Variants in FRMD5 observed in about 807,000 individuals in gnomAD.
FRMD5 encodes the protein FERM domain containing 5, also known as FERM domain-containing protein 5.
Under a neutral mutation model 69.0 loss-of-function variants are expected in FRMD5, and 20 were observed. That is an observed-to-expected ratio of 0.29 (90% CI 0.20 to 0.42). The LOEUF (loss-of-function observed/expected upper bound fraction) is 0.42. Ranked by LOEUF, FRMD5 falls within the 10% of genes least tolerant of loss-of-function variation. FRMD5 has a pLI of 1.00. For missense variants in FRMD5, 595 were observed against 708.6 expected (o/e 0.84, Z 1.82); for synonymous variants, 271 against 260.1 (o/e 1.04, Z -0.40).
intron 1 of FRMD5, among the ~76,000 whole-genome samples, chr15:44,164,539 C>T (rs1382874142): frequency 6.6e-6 from 1 of 152,114 alleles, no homozygotes; most frequent in Non-Finnish European, 1.5e-5. Context: ...AGGCAACAGA[C>T]AGTAAATTTT....
At chr15:44,111,958 C>T (rs978740897) in intron 1 of FRMD5, among the ~76,000 whole-genome samples, 3 of 152,084 alleles carry the variant, frequency 2.0e-5, no homozygotes. Context: ...ATTCTCCTGC[C>T]TCAGCCTCCC....
At position 43,934,451 on chromosome 15, in the gene FRMD5, GTTTTT is replaced by G. The variant is rs374355593; in HGVS notation, c.103-10147_103-10143del. 5.1e-3 allele frequency among the ~76,000 whole-genome samples: 768 copies of G among 151,454 alleles called. 10 individuals are homozygous for G. The highest frequency in any genetic ancestry group is 0.017 in the African/African-American group (717 of 41,316). ...ATCTTCTAAACAAGGATTTAAAACAGTTTTTTTTTCTTTAAAAAGGATAATCGGGT... is the reference window on the plus strand; with the variant it reads ...ATCTTCTAAACAAGGATTTAAAACAGTTTTCTTTAAAAAGGATAATCGGGT... On this transcript the variant is annotated intron_variant, in intron 1 of 13. Coordinates refer to ENST00000417257, the MANE Select transcript of FRMD5 (RefSeq NM_032892.5).
At chr15:44,096,276 T>C (rs2076551569) in intron 1 of FRMD5, among the ~76,000 whole-genome samples, 1 of 151,706 alleles carries the variant, frequency 6.6e-6, no homozygotes. Context: ...GTGATCCATT[T>C]AATCACAAAT....
chr15:44,048,644 C>CT (rs1412195777), intron 1 of FRMD5, among the ~76,000 whole-genome samples: 1 of 151,994 alleles, frequency 6.6e-6, no homozygotes, highest in African/African-American at 2.4e-5. Flanking sequence ...GTGATCTCGT[C>CT]TCACGGCAAC....
intron 1 of FRMD5, among the ~76,000 whole-genome samples, chr15:44,173,823 T>C (rs1164423809): frequency 6.6e-6 from 1 of 152,182 alleles, no homozygotes; most frequent in African/African-American, 2.4e-5. Flanking sequence ...TGAAAAATCA[T>C]TTTTTAAAAA....
At chr15:43,979,102 C>A (rs902460159) in intron 1 of FRMD5, among the ~76,000 whole-genome samples, 1 of 152,026 alleles carries the variant, frequency 6.6e-6, no homozygotes, top group Non-Finnish European at 1.5e-5. Context: ...CTTTGGGAGG[C>A]CGAGGCGGGC....
At chr15:43,932,127 T>C (rs1221420158) in intron 1 of FRMD5, among the ~76,000 whole-genome samples, 1 of 152,232 alleles carries the variant, frequency 6.6e-6, no homozygotes, top group Non-Finnish European at 1.5e-5. Context: ...AAAAACCCTG[T>C]GAGTTTTCGT....
intron 1 of FRMD5, among the ~76,000 whole-genome samples, chr15:44,011,963 A>G (rs1194603866): frequency 6.6e-6 from 1 of 152,194 alleles, no homozygotes; most frequent in Non-Finnish European, 1.5e-5. Flanking sequence ...CAACAGCTAA[A>G]GAGGGAACAA....
chr15:44,111,841 TTC>T (rs1239877995), intron 1 of FRMD5, among the ~76,000 whole-genome samples: 4 of 151,728 alleles, frequency 2.6e-5, no homozygotes, highest in Admixed American at 2.6e-4. Flanking sequence ...TGTTGAATAC[TTC>T]TCTCTTTTCC....
chr15:44,172,270 T>C (rs113399063), intron 1 of FRMD5, among the ~76,000 whole-genome samples: 4 of 150,248 alleles, frequency 2.7e-5, no homozygotes, highest in Non-Finnish European at 5.9e-5. Flanking sequence ...TTTTCTCTTT[T>C]TCTTTTTTTT....
chr15:44,088,571 C>T (rs1458686614), intron 1 of FRMD5, among the ~76,000 whole-genome samples: 1 of 152,128 alleles, frequency 6.6e-6, no homozygotes, highest in Admixed American at 6.6e-5. Flanking sequence ...GTTATCCCTC[C>T]TCATGTTTTC....
chr15:43,916,053 G>A (rs958121885), intron 4 of FRMD5, among the ~76,000 whole-genome samples: 6 of 152,296 alleles, frequency 3.9e-5, no homozygotes, highest in African/African-American at 1.2e-4. Context: ...CCCAGGCACC[G>A]GTGGTTCACA....
chr15:44,116,879 C>G (rs2076875859), intron 1 of FRMD5, among the ~76,000 whole-genome samples: 1 of 151,580 alleles, frequency 6.6e-6, no homozygotes, highest in South Asian at 2.1e-4. Flanking sequence ...GTCAGGAGTT[C>G]GAGACCAGCC....
At chr15:43,911,476 G>A (rs2089286295) in intron 4 of FRMD5, among the ~76,000 whole-genome samples, 1 of 152,158 alleles carries the variant, frequency 6.6e-6, no homozygotes, top group Admixed American at 6.5e-5. Context: ...TCGGCCAACA[G>A]CCATTTGAAT....
intron 1 of FRMD5, among the ~76,000 whole-genome samples, chr15:44,072,050 G>C (rs949755409): frequency 1.3e-5 from 2 of 152,126 alleles, no homozygotes; most frequent in Non-Finnish European, 2.9e-5. Context: ...ATTTTTAGCA[G>C]AGACGTGGTT....
intron 1 of FRMD5, among the ~76,000 whole-genome samples, chr15:43,941,326 C>T (rs1566849446): frequency 6.6e-6 from 1 of 152,224 alleles, no homozygotes; most frequent in Non-Finnish European, 1.5e-5. Flanking sequence ...TCATAGCTTA[C>T]TGCAGCCACA....
chr15:44,057,397 C>T (rs771577550), intron 1 of FRMD5, among the ~76,000 whole-genome samples: 4 of 152,208 alleles, frequency 2.6e-5, no homozygotes, highest in Non-Finnish European at 2.9e-5. Context: ...TGAGCCACCA[C>T]GCCTGGCTGA....
At chr15:44,140,798 G>A (rs771871723) in intron 1 of FRMD5, among the ~76,000 whole-genome samples, 2 of 138,110 alleles carry the variant, frequency 1.4e-5, no homozygotes, top group African/African-American at 5.3e-5. Context: ...TAGGAGGGTC[G>A]CTTGGGCCCA....
chr15:43,874,825 G>A (rs1316604514), intron 13 of FRMD5, among the ~76,000 whole-genome samples: 12 of 152,024 alleles, frequency 7.9e-5, no homozygotes, highest in African/African-American at 2.4e-4. Flanking sequence ...GCTTGAACCC[G>A]GGAGGCGGAG....
Sources: gnomAD v4.1 joint callset for allele counts (sites outside exome capture counted in the v4.1 genomes callset) on GRCh38, gnomAD v4.1.1 for gene constraint, MANE v1.5 for transcripts, NCBI Gene and HGNC (gene_info 2026-07-23, HGNC 2026-07-21) for gene names.